The following GRIK1 variants were observed in gnomAD, a reference collection of about 807,000 sequenced individuals.
GRIK1 encodes the protein glutamate ionotropic receptor kainate type subunit 1.
A neutral mutation model predicts 105.7 loss-of-function variants in GRIK1; 69 were observed. The ratio of observed to expected loss-of-function variants is 0.65; its 90% CI spans 0.54 to 0.80. The LOEUF (loss-of-function observed/expected upper bound fraction) is 0.80, where lower values mean the gene tolerates loss of function less well. GRIK1 is among the 30% of genes least tolerant of loss of function. GRIK1 has a pLI of 0.00. For synonymous variants in GRIK1, 438 were observed against 431.3 expected (o/e 1.02, Z -0.19); for missense variants, 1,109 against 1,167.3 (o/e 0.95, Z 0.73).
intron 13 of GRIK1, among the ~76,000 whole-genome samples, chr21:29,579,973 A>ATG (rs2090979533): frequency 2.1e-5 from 3 of 146,166 alleles, no homozygotes; most frequent in South Asian, 2.1e-4. Context: ...GTGTATATAT[A>ATG]TATATATATG....
At chr21:29,582,112 G>C (rs2091035157) in intron 12 of GRIK1, among the ~76,000 whole-genome samples, 1 of 152,188 alleles carries the variant, frequency 6.6e-6, no homozygotes, top group Non-Finnish European at 1.5e-5. Flanking sequence ...AAAATGTAGA[G>C]CTGAATTTGG....
chr21:29,699,952 ATCT>A (rs1046878828), intron 1 of GRIK1, among the ~76,000 whole-genome samples: 14 of 152,150 alleles, frequency 9.2e-5, no homozygotes, highest in Admixed American at 6.5e-4. Flanking sequence ...CCCAGCCAAC[ATCT>A]TCTTTTTTTT....
At chr21:29,875,963 A>G (rs1326523024) in intron 1 of GRIK1, among the ~76,000 whole-genome samples, 1 of 152,116 alleles carries the variant, frequency 6.6e-6, no homozygotes, top group African/African-American at 2.4e-5. Context: ...TGTCCTGAAC[A>G]CTCTACTTAA....
At chr21:29,770,915 C>A (rs2065797251) in intron 1 of GRIK1, among the ~76,000 whole-genome samples, 1 of 152,088 alleles carries the variant, frequency 6.6e-6, no homozygotes, top group Admixed American at 6.5e-5. Flanking sequence ...CAGTGATGTT[C>A]TTATTATTAA....
chr21:29,864,411 C>G (rs1484607366), intron 1 of GRIK1, among the ~76,000 whole-genome samples: 3 of 152,112 alleles, frequency 2.0e-5, no homozygotes, highest in Non-Finnish European at 4.4e-5. Context: ...AATCAATACT[C>G]AAATCTTACC....
At chr21:29,689,667 AC>A (rs2063548169) in intron 3 of GRIK1, 60 bp downstream of exon 3, 8 of 1,471,880 alleles carry the variant, frequency 5.4e-6, no homozygotes, top group Non-Finnish European at 7.6e-6. Context: ...ACTATTTGAT[AC>A]TTTCGTTCTG....
intron 12 of GRIK1, among the ~76,000 whole-genome samples, chr21:29,585,272 G>A (rs1046649842): frequency 6.6e-6 from 1 of 152,042 alleles, no homozygotes; most frequent in Admixed American, 6.6e-5. Flanking sequence ...AAATATGGAG[G>A]TCTGGGTCAC....
At chr21:29,886,956 C>A (rs144324029) in intron 1 of GRIK1, among the ~76,000 whole-genome samples, 2 of 152,176 alleles carry the variant, frequency 1.3e-5, no homozygotes, top group East Asian at 3.9e-4. Context: ...AAGAGAGACA[C>A]CTTATTAGAT....
intron 1 of GRIK1, among the ~76,000 whole-genome samples, chr21:29,699,652 C>T (rs1186935980): frequency 6.9e-6 from 1 of 144,414 alleles, no homozygotes; most frequent in Admixed American, 6.9e-5. Context: ...TTATCAGCAT[C>T]TTTTTTTTTT....
chr21:29,734,381 CTTTT>C (rs2064722102), intron 1 of GRIK1, among the ~76,000 whole-genome samples: 2 of 74,728 alleles, frequency 2.7e-5, no homozygotes, highest in Admixed American at 3.6e-4. Context: ...CTTTTCTTTT[CTTTT>C]CTTTTCTTTT....
At chr21:29,862,296 T>G (rs951254092) in intron 1 of GRIK1, among the ~76,000 whole-genome samples, 7 of 152,250 alleles carry the variant, frequency 4.6e-5, no homozygotes, top group African/African-American at 1.7e-4. Flanking sequence ...CCACTTATTT[T>G]TATATGAAAA....
intron 3 of GRIK1, among the ~76,000 whole-genome samples, chr21:29,676,716 C>T (rs912317905): frequency 1.3e-5 from 2 of 151,770 alleles, no homozygotes; most frequent in South Asian, 2.1e-4. Flanking sequence ...AAAAATAAAA[C>T]GTAGGCAAGA....
At chr21:29,544,749 T>G (rs2090024372) in intron 16 of GRIK1, among the ~76,000 whole-genome samples, 1 of 152,212 alleles carries the variant, frequency 6.6e-6, no homozygotes, top group Non-Finnish European at 1.5e-5. Flanking sequence ...AATATCAAGC[T>G]TAGAGGCTTC....
chr21:29,868,612 T>C (rs1350881226), intron 1 of GRIK1, among the ~76,000 whole-genome samples: 3 of 152,166 alleles, frequency 2.0e-5, no homozygotes, highest in Non-Finnish European at 2.9e-5. Flanking sequence ...CACTAGGAGT[T>C]TCTGTCCCTT....
At chr21:29,663,226 T>C (rs1280891764) in intron 4 of GRIK1, among the ~76,000 whole-genome samples, 2 of 152,168 alleles carry the variant, frequency 1.3e-5, no homozygotes, top group Non-Finnish European at 2.9e-5. Flanking sequence ...AAATTAATAA[T>C]TTGCACAAAA....
chr21:29,794,302 G>T (rs1384842423), intron 1 of GRIK1, among the ~76,000 whole-genome samples: 3 of 152,160 alleles, frequency 2.0e-5, no homozygotes, highest in Admixed American at 6.5e-5. Flanking sequence ...AATTAATGGA[G>T]AAAAACGTAT....
At chr21:29,935,451 G>T (rs1421021264) in intron 1 of GRIK1, among the ~76,000 whole-genome samples, 2 of 152,076 alleles carry the variant, frequency 1.3e-5, no homozygotes, top group Non-Finnish European at 2.9e-5. Context: ...ATATTAAAAT[G>T]ATGAAAAAAC....
chr21:29,864,814 G>A (rs891431546), intron 1 of GRIK1, among the ~76,000 whole-genome samples: 23 of 152,244 alleles, frequency 1.5e-4, no homozygotes, highest in Admixed American at 4.6e-4. Flanking sequence ...GGGACCTGAC[G>A]GACTTTACCA....
chr21:29,591,261 G>C, intron 9 of GRIK1, 36 bp from the exon 10 acceptor site: 1 of 1,221,292 alleles, frequency 8.2e-7, no homozygotes. Flanking sequence ...GCTGCTGGCT[G>C]TCAGTGTGGC....
Sources: allele counts gnomAD v4.1 joint callset (sites outside exome capture counted in the v4.1 genomes callset), GRCh38; gene constraint gnomAD v4.1.1; transcripts MANE v1.5; gene names NCBI Gene and HGNC (gene_info 2026-07-23, HGNC 2026-07-21).